Variants in NKAIN2 observed in about 807,000 individuals in gnomAD.
NKAIN2 encodes sodium/potassium transporting ATPase interacting 2.
NKAIN2 carries 14 observed loss-of-function variants against 32.6 expected under a neutral mutation model. The ratio of observed to expected loss-of-function variants is 0.43; its 90% CI spans 0.28 to 0.67. The LOEUF (loss-of-function observed/expected upper bound fraction) is 0.67, where lower values mean the gene tolerates loss of function less well. Among genes scored for constraint, NKAIN2 ranks in the 30% least tolerant of loss-of-function variants. NKAIN2 has a pLI of 0.17. For synonymous variants in NKAIN2, 80 were observed against 87.2 expected (o/e 0.92, Z 0.46); for missense variants, 198 against 258.3 (o/e 0.77, Z 1.60).
chr6:124,284,000 A>T (rs1795433445), intron 2 of NKAIN2, among the ~76,000 whole-genome samples: 1 of 152,150 alleles, frequency 6.6e-6, no homozygotes, highest in African/African-American at 2.4e-5. Flanking sequence ...AAGCGTCCTC[A>T]TTAAAGATGC....
chr6:124,821,145 A>G (rs889805626), intron 6 of NKAIN2, among the ~76,000 whole-genome samples: 12 of 152,040 alleles, frequency 7.9e-5, no homozygotes, highest in Non-Finnish European at 1.5e-5. Flanking sequence ...AAATACAAAA[A>G]TTAGCCAGGC....
At chr6:123,865,534 C>A (rs575337334) in intron 1 of NKAIN2, among the ~76,000 whole-genome samples, 1 of 152,072 alleles carries the variant, frequency 6.6e-6, no homozygotes, top group South Asian at 2.1e-4. Context: ...AATTAAATAT[C>A]GTTATATTTC....
chr6:124,154,493 C>T (rs1220321802), intron 1 of NKAIN2, among the ~76,000 whole-genome samples: 2 of 152,048 alleles, frequency 1.3e-5, no homozygotes, highest in Non-Finnish European at 2.9e-5. Context: ...CTTACTGATG[C>T]TACGAAGACT....
rs561648941 is a variant in NKAIN2 at position 124,715,988 on chromosome 6, T to C, written c.474+57602T>C. 5.0e-4 allele frequency among the ~76,000 whole-genome samples: 76 copies of C among 152,324 alleles called. 1 individual carries two copies. Among genetic ancestry groups the C allele is most frequent in the South Asian group, 3.5e-3 (17 of 4,828 alleles). ...CCCGTGTTTGGGCTGTTCTTTGGTATTTTCCTATCAGCTTGATAAAGCTTA... is the reference window on the plus strand; with the variant it reads ...CCCGTGTTTGGGCTGTTCTTTGGTACTTTCCTATCAGCTTGATAAAGCTTA... On this transcript the variant is annotated intron_variant, in intron 4 of 6. Coordinates refer to ENST00000368417, the MANE Select transcript of NKAIN2 (RefSeq NM_001040214.3).
At chr6:124,045,582 T>C (rs948107536) in intron 1 of NKAIN2, among the ~76,000 whole-genome samples, 5 of 152,100 alleles carry the variant, frequency 3.3e-5, no homozygotes, top group Middle Eastern at 3.4e-3. Flanking sequence ...ATCCTCAAAA[T>C]TAAGCACTTA....
intron 1 of NKAIN2, among the ~76,000 whole-genome samples, chr6:123,822,769 G>A (rs1773978469): frequency 6.6e-6 from 1 of 152,130 alleles, no homozygotes; most frequent in Non-Finnish European, 1.5e-5. Context: ...CAAAATTCCT[G>A]TAACTTTGCA....
intron 3 of NKAIN2, among the ~76,000 whole-genome samples, chr6:124,572,467 A>T (rs1010568320): frequency 1.3e-5 from 2 of 152,360 alleles, no homozygotes; most frequent in Admixed American, 1.3e-4. Flanking sequence ...CTTCTCAAAA[A>T]ATGTTGAATC....
intron 3 of NKAIN2, among the ~76,000 whole-genome samples, chr6:124,407,360 A>G (rs1180290889): frequency 2.7e-5 from 3 of 109,908 alleles, no homozygotes; most frequent in Non-Finnish European, 5.6e-5. Flanking sequence ...CACATGCCAC[A>G]ACCATCCCCT....
At chr6:124,068,971 G>T (rs574013787) in intron 1 of NKAIN2, among the ~76,000 whole-genome samples, 48 of 152,162 alleles carry the variant, frequency 3.2e-4, no homozygotes, top group Non-Finnish European at 5.7e-4. Context: ...GTCAGGTTTT[G>T]CTCTTGCAGG....
intron 3 of NKAIN2, among the ~76,000 whole-genome samples, chr6:124,366,622 T>A (rs1439159796): frequency 6.6e-6 from 1 of 152,202 alleles, no homozygotes; most frequent in African/African-American, 2.4e-5. Flanking sequence ...CGTGTGATTG[T>A]CAAATAACAG....
chr6:123,941,976 A>AGAAATAGCTGT (rs1404446019), intron 1 of NKAIN2, among the ~76,000 whole-genome samples: 1 of 151,966 alleles, frequency 6.6e-6, no homozygotes, highest in Non-Finnish European at 1.5e-5. Flanking sequence ...CCAAAGCATC[A>AGAAATAGCTGT]GAAATAGCTG....
intron 3 of NKAIN2, among the ~76,000 whole-genome samples, chr6:124,391,418 C>A (rs1052699625): frequency 6.6e-6 from 1 of 152,024 alleles, no homozygotes; most frequent in African/African-American, 2.4e-5. Flanking sequence ...CAGGGCTGTG[C>A]CTCTCTTGTT....
chr6:124,715,766 T>C (rs1459414179), intron 4 of NKAIN2, among the ~76,000 whole-genome samples: 1 of 152,222 alleles, frequency 6.6e-6, no homozygotes, highest in East Asian at 1.9e-4. Context: ...TTCTTTAGCC[T>C]CCTTCACTCT....
intron 3 of NKAIN2, among the ~76,000 whole-genome samples, chr6:124,596,347 T>A (rs1467124453): frequency 6.6e-6 from 1 of 151,732 alleles, no homozygotes; most frequent in Non-Finnish European, 1.5e-5. Context: ...AGAATTGCAG[T>A]GGAAAAGAAA....
intron 1 of NKAIN2, among the ~76,000 whole-genome samples, chr6:123,882,792 G>T (rs373012717): frequency 6.0e-4 from 92 of 152,106 alleles, no homozygotes; most frequent in Admixed American, 1.0e-3. Context: ...CCTTATAAAA[G>T]TTGAAATGAA....
At chr6:123,971,983 C>G (rs1421227038) in intron 1 of NKAIN2, among the ~76,000 whole-genome samples, 1 of 152,126 alleles carries the variant, frequency 6.6e-6, no homozygotes, top group Non-Finnish European at 1.5e-5. Context: ...GCCTCTGCCA[C>G]CCCTGAAACA....
chr6:123,912,339 G>A (rs562239979), intron 1 of NKAIN2, among the ~76,000 whole-genome samples: 3 of 151,872 alleles, frequency 2.0e-5, no homozygotes, highest in Admixed American at 6.6e-5. Flanking sequence ...TTTGTAATTT[G>A]TATGTATGTA....
chr6:123,971,156 A>G, intron 1 of NKAIN2, among the ~76,000 whole-genome samples: 1 of 152,016 alleles, frequency 6.6e-6, no homozygotes, highest in East Asian at 1.9e-4. Context: ...TTAGTATATA[A>G]GGAAGCCCAT....
At chr6:124,177,011 T>C (rs1789190135) in intron 1 of NKAIN2, among the ~76,000 whole-genome samples, 1 of 152,130 alleles carries the variant, frequency 6.6e-6, no homozygotes, top group African/African-American at 2.4e-5. Flanking sequence ...ATTTTTTATC[T>C]TTCATTTTAT....
Sources: allele counts gnomAD v4.1 joint callset (sites outside exome capture counted in the v4.1 genomes callset), GRCh38; gene constraint gnomAD v4.1.1; transcripts MANE v1.5; gene names NCBI Gene and HGNC (gene_info 2026-07-23, HGNC 2026-07-21).